Variants in DDB1 observed in about 807,000 individuals in gnomAD.
The protein encoded by DDB1 is damage specific DNA binding protein 1.
In DDB1, 18 loss-of-function variants were observed where a neutral mutation model predicts 133.1. The observed-to-expected ratio is 0.14, with a 90% CI of 0.09 to 0.20. DDB1 has a LOEUF of 0.20. DDB1 is among the 10% of genes least tolerant of loss of function. DDB1 has a pLI of 1.00. For synonymous variants in DDB1, 580 were observed against 550.5 expected (o/e 1.05, Z -0.75); for missense variants, 828 against 1,459.2 (o/e 0.57, Z 7.05).
chr11:61,328,070 C>T (rs1395782207), intron 4 of DDB1, among the ~76,000 whole-genome samples: 2 of 152,194 alleles, frequency 1.3e-5, no homozygotes, highest in East Asian at 3.8e-4. Context: ...GATCTGATCA[C>T]AGCTGGCAGC....
intron 20 of DDB1, 64 bp from the exon 21 acceptor site, chr11:61,309,141 C>T: frequency 6.7e-7 from 1 of 1,494,438 alleles, no homozygotes; most frequent in Admixed American, 1.7e-5. Context: ...CAAAAGAATC[C>T]TCTGGTTGCC....
Position 61,329,580 on chromosome 11 carries a change from C to A in DDB1, c.332G>T (p.Arg111Leu). 6.2e-7 allele frequency: 1 copy of A among 1,608,338 alleles called. No individual in the cohort carries two copies. The highest frequency in any genetic ancestry group is 8.5e-7 in the Non-Finnish European group (1 of 1,177,104). ...ITRAHGNVQDRIGRPSETGII... is the reference protein window; with the variant it reads ...ITRAHGNVQDLIGRPSETGII... ...GCCGGTCTCTGAGGGGCGGCCAATG[C>A]GGTCCTGAGAAACAAAATCGGGATT... Residue 111 changes from arginine to leucine, a missense_variant, in exon 4 of 27, where the codon CGC becomes CTC. Physicochemically the swap from Arg to Leu is moderately radical, Grantham distance 102 (BLOSUM62 -2). Around this residue, in one of 7 missense-constraint regions of DDB1, gnomAD observed 210 missense variants for 344.8 expected, o/e 0.61. Coordinates refer to ENST00000301764, the MANE Select transcript of DDB1 (RefSeq NM_001923.5).
At chr11:61,323,293 C>T (rs1186518805) in intron 7 of DDB1, 199 bp from the exon 8 acceptor site, 2 of 582,060 alleles carry the variant, frequency 3.4e-6, no homozygotes, top group Non-Finnish European at 6.2e-6. Flanking sequence ...TATTGCATCC[C>T]TACACTCAGA....
At chr11:61,324,256 G>A in intron 6 of DDB1, 119 bp from the exon 7 acceptor site, 1 of 1,051,762 alleles carries the variant, frequency 9.5e-7, no homozygotes, top group East Asian at 2.4e-5. Flanking sequence ...AAATCGCTCA[G>A]ATAACATTAC....
At chr11:61,302,527 G>A in intron 24 of DDB1, 55 bp downstream of exon 24, 2 of 1,607,032 alleles carry the variant, frequency 1.2e-6, no homozygotes, top group Non-Finnish European at 1.7e-6. Flanking sequence ...CCCTCAGAAT[G>A]CTGGTATCAG....
rs750221411 is a variant in DDB1 at position 61,332,889 on chromosome 11, C to G, written c.61+19G>C. On this transcript the variant is annotated intron_variant, in intron 1 of 26. Coordinates refer to ENST00000301764, the MANE Select transcript of DDB1 (RefSeq NM_001923.5). ...CCAACTCCCTCACTCGCCGGGGTCT[C>G]CGGCCCCGGCAGCCTCACCGGTCAC... 9 of 1,472,694 alleles carry G rather than the reference C, an allele frequency of 6.1e-6. No homozygotes were observed. In the South Asian group the frequency reaches 1.0e-4, roughly 17 times the overall value. 91.2% of individuals were successfully genotyped at this position (1,472,694 alleles called of 1,614,324 possible).
chr11:61,316,145 T>C, intron 12 of DDB1, 140 bp downstream of exon 12: 1 of 717,028 alleles, frequency 1.4e-6, no homozygotes, highest in South Asian at 1.8e-5. Flanking sequence ...AGTAGTGGAT[T>C]ATCTGTAATT....
Position 61,322,380 on chromosome 11 carries a change from A to G in DDB1, c.1038T>C (p.Tyr346=). 6.2e-7 allele frequency: 1 copy of G among 1,614,196 alleles called. No homozygotes were observed. The highest frequency in any genetic ancestry group is 1.1e-5 in the South Asian group (1 of 91,082). Reference sequence around the variant, plus strand: ...TGGTAAAGGTTTCCATGGCCACTACATAGGAGCCTTGTTCATTACTGTCAA... The same window carrying G: ...TGGTAAAGGTTTCCATGGCCACTACGTAGGAGCCTTGTTCATTACTGTCAA... ...LNVDSNEQGS[Y]VVAMETFTNL... is the part of the protein sequence containing the mutation. The change falls in exon 9 of 27, where the codon TAT becomes TAC. Residue 346 remains tyrosine (Y), a synonymous_variant. Transcript: ENST00000301764.
chr11:61,301,651 G>C (rs1248357233), intron 25 of DDB1: 1 of 152,302 alleles, frequency 6.6e-6, no homozygotes, highest in African/African-American at 2.4e-5. Context: ...AGTGAGACAA[G>C]GCTGCCAAAA....
intron 18 of DDB1, chr11:61,311,230 C>G (rs930567440): frequency 1.3e-5 from 2 of 152,746 alleles, no homozygotes; most frequent in African/African-American, 4.8e-5. Flanking sequence ...CCAGCCTGGA[C>G]GACAGGGTGA....
chr11:61,330,948 G>T lies in DDB1; in HGVS notation c.210+595C>A, dbSNP rs537885223. Among the ~76,000 whole-genome samples, 3 of 152,290 alleles carry T rather than the reference G, an allele frequency of 2.0e-5. No homozygotes were observed. The South Asian group carries it at 6.2e-4, about 32-fold the overall frequency. On this transcript the variant is annotated intron_variant, in intron 2 of 26. Transcript: ENST00000301764. ...TGGGGTTACAGGCGTGAGCCACCAT[G>T]CCCGGCCTGGTAATTGTTAACATAA...
Position 61,308,974 on chromosome 11 carries a change from A to G in DDB1, c.2661+9T>C, listed in dbSNP as rs777054155. 2 of 1,614,024 alleles carry G rather than the reference A, an allele frequency of 1.2e-6. No homozygotes were observed. Among genetic ancestry groups the G allele is most frequent in the South Asian group, 1.1e-5 (1 of 91,084 alleles). On this transcript the variant is annotated intron_variant, in intron 21 of 26. Transcript: ENST00000301764. ...GCCTAAAGTAAGTACCAAGTGGTCC[A>G]GGCCTCACCGTGCTATTGATGCTGG...
intron 2 of DDB1, 150 bp from the exon 3 acceptor site, chr11:61,330,224 G>A (rs550896661): frequency 3.3e-6 from 2 of 597,296 alleles, no homozygotes; most frequent in Admixed American, 3.0e-5. Context: ...CCCACACTAG[G>A]TACACATACA....
At position 61,300,123 on chromosome 11, in the gene DDB1, C is replaced by T. The variant is rs775172388; in HGVS notation, c.*13G>A. 3.1e-6 allele frequency: 5 copies of T among 1,613,614 alleles called. No homozygotes were observed. The South Asian group carries it at 3.3e-5, about 11-fold the overall frequency. ...CTTTGGGGAGGGTCAGCAAAGGGGC[C>T]CCCTGCCCTTGGCTAATGGATCCGA... On this transcript the variant is annotated 3_prime_UTR_variant, in exon 27 of 27. Transcript: ENST00000301764.
At chr11:61,311,964 C>T in intron 17 of DDB1, 25 bp downstream of exon 17, 1 of 1,614,034 alleles carries the variant, frequency 6.2e-7, no homozygotes, top group Non-Finnish European at 8.5e-7. Context: ...ACCCCCACTT[C>T]CCACTCTCCC....
At chr11:61,325,781 G>T in intron 5 of DDB1, 73 bp from the exon 6 acceptor site, 1 of 1,237,782 alleles carries the variant, frequency 8.1e-7, no homozygotes, top group Non-Finnish European at 1.2e-6. Flanking sequence ...AAAAGTACAG[G>T]TCTAGTTAGC....
intron 22 of DDB1, 124 bp downstream of exon 22, chr11:61,303,741 T>C: frequency 1.2e-6 from 1 of 825,316 alleles, no homozygotes; most frequent in South Asian, 1.8e-5. Context: ...CAATGTAGAA[T>C]GTCTGCTCCG....
At chr11:61,327,336 G>A (rs1856286598) in intron 4 of DDB1, among the ~76,000 whole-genome samples, 1 of 152,050 alleles carries the variant, frequency 6.6e-6, no homozygotes, top group Non-Finnish European at 1.5e-5. Context: ...TGGCATGGGG[G>A]CGCGTGCCTA....
intron 10 of DDB1, among the ~76,000 whole-genome samples, chr11:61,320,468 T>C: frequency 6.6e-6 from 1 of 152,224 alleles, no homozygotes; most frequent in Admixed American, 6.5e-5. Context: ...CCCAAAGTGC[T>C]GGGATTACAG....
Sources: allele counts gnomAD v4.1 joint callset (sites outside exome capture counted in the v4.1 genomes callset), GRCh38; gene constraint gnomAD v4.1.1; regional missense constraint gnomAD v4.1.1; transcripts MANE v1.5; gene names NCBI Gene and HGNC (gene_info 2026-07-23, HGNC 2026-07-21).